The following MBD5 variants were observed in gnomAD, a reference collection of about 807,000 sequenced individuals.
MBD5 encodes methyl-CpG binding domain protein 5, also known as methyl-CpG-binding domain protein 5.
A neutral mutation model predicts 117.3 loss-of-function variants in MBD5; 13 were observed. The ratio of observed to expected loss-of-function variants is 0.11; its 90% CI spans 0.07 to 0.18. The LOEUF (loss-of-function observed/expected upper bound fraction) is 0.18, where lower values mean the gene tolerates loss of function less well. Ranked by LOEUF, MBD5 falls within the 10% of genes least tolerant of loss-of-function variation. The pLI is 1.00. For missense variants in MBD5, 1,879 were observed against 2,093.8 expected, an observed-to-expected ratio of 0.90 and a Z score of 2.00; for synonymous variants, 727 against 766.4, an observed-to-expected ratio of 0.95 and a Z score of 0.85.
At chr2:148,291,864 C>T (rs1006227931) in intron 3 of MBD5, among the ~76,000 whole-genome samples, 2 of 152,132 alleles carry the variant, frequency 1.3e-5, no homozygotes, top group African/African-American at 4.8e-5. Flanking sequence ...GGCATAAAAA[C>T]AGACACATAG....
intron 2 of MBD5, among the ~76,000 whole-genome samples, chr2:148,204,997 A>G (rs1699240757): frequency 6.6e-6 from 1 of 152,140 alleles, no homozygotes; most frequent in Non-Finnish European, 1.5e-5. Flanking sequence ...CCCTAAAAAT[A>G]AAATATATTC....
intron 1 of MBD5, among the ~76,000 whole-genome samples, chr2:148,033,309 A>G (rs1427905009): frequency 6.6e-6 from 1 of 152,254 alleles, no homozygotes. Context: ...TCATACAGTT[A>G]GAAGTGATTA....
Position 148,513,180 on chromosome 2 carries a change from T to C in MBD5, c.*239T>C, listed in dbSNP as rs1682269514. ...TGAGAGTGATCAATGGTCAAGAGAT[T>C]ACTGAGAAACTCTTTTTCTATAATA... is the stretch of plus-strand genomic sequence containing the variant. On this transcript the variant is annotated 3_prime_UTR_variant, in exon 14 of 14. Coordinates refer to ENST00000642680, the MANE Select transcript of MBD5 (RefSeq NM_001378120.1). 1 of 509,728 alleles carries C rather than the reference T, an allele frequency of 2.0e-6. No homozygotes were observed. The highest frequency in any genetic ancestry group is 3.4e-5 in the Admixed American group (1 of 29,810). 31.6% of individuals were successfully genotyped at this position (509,728 alleles called of 1,614,324 possible).
intron 4 of MBD5, among the ~76,000 whole-genome samples, chr2:148,429,243 A>G (rs1033764113): frequency 6.6e-6 from 1 of 152,254 alleles, no homozygotes; most frequent in Non-Finnish European, 1.5e-5. Context: ...ACATATGAAA[A>G]AAAAGCTCAT....
intron 4 of MBD5, among the ~76,000 whole-genome samples, chr2:148,446,602 C>CTATGTGTGTGTGTGTGTGTGTGTGTGTG: frequency 6.7e-6 from 1 of 148,898 alleles, no homozygotes; most frequent in East Asian, 2.0e-4. Context: ...GATTATTTAT[C>CTATGTGTGTGTGTGTGTGTGTGTGTGTG]TGTGTGTGTG....
intron 1 of MBD5, among the ~76,000 whole-genome samples, chr2:148,175,329 T>C (rs12619583): frequency 0.79 from 120,303 of 152,084 alleles, 48,935 homozygotes; most frequent in East Asian, 0.9. Context: ...AAACCACAAA[T>C]TTATATCTCA....
chr2:148,470,556 T>C, intron 8 of MBD5, 95 bp downstream of exon 8: 2 of 973,116 alleles, frequency 2.1e-6, no homozygotes, highest in Non-Finnish European at 3.0e-6. Context: ...TAAGAAATGA[T>C]CCTTTCCCCA....
At chr2:148,092,906 A>G (rs1330678167) in intron 1 of MBD5, among the ~76,000 whole-genome samples, 20 of 151,692 alleles carry the variant, frequency 1.3e-4, no homozygotes. Flanking sequence ...TAGAAAAGCT[A>G]GCTTCTTATC....
intron 7 of MBD5, among the ~76,000 whole-genome samples, chr2:148,464,539 C>G (rs1322638446): frequency 6.6e-6 from 1 of 152,038 alleles, no homozygotes; most frequent in African/African-American, 2.4e-5. Context: ...AGGGCACACT[C>G]TTACATAAAC....
intron 1 of MBD5, among the ~76,000 whole-genome samples, chr2:148,177,806 T>A (rs1698426277): frequency 6.6e-6 from 1 of 152,076 alleles, no homozygotes; most frequent in African/African-American, 2.4e-5. Context: ...CAGCTGCAAC[T>A]GAAAAACCGA....
At chr2:148,070,372 T>A (rs1695318107) in intron 1 of MBD5, among the ~76,000 whole-genome samples, 1 of 152,334 alleles carries the variant, frequency 6.6e-6, no homozygotes, top group South Asian at 2.1e-4. Context: ...TGTTTGCTAC[T>A]AGTAGGGCAG....
chr2:148,038,997 C>T lies in MBD5; in HGVS notation c.-925+17313C>T, dbSNP rs531107197. ...TCTGCAAAGCTAGACATAGTAACAA[C>T]AGGAAACATCCCACCTACAATGCAT... is the stretch of plus-strand genomic sequence containing the variant. On this transcript the variant is annotated intron_variant, in intron 1 of 13. Transcript: ENST00000642680. Among the ~76,000 whole-genome samples the T allele has an allele frequency of 2.0e-5, 3 of 152,144 alleles. No individual in the cohort carries two copies. The East Asian group carries it at 5.8e-4, about 29-fold the overall frequency.
At chr2:148,025,376 G>C (rs979919822) in intron 1 of MBD5, 2 of 151,820 alleles carry the variant, frequency 1.3e-5, no homozygotes, top group African/African-American at 4.8e-5. Context: ...AATATATAAA[G>C]AAAAATTTTC....
At chr2:148,423,448 C>G (rs1028319762) in intron 4 of MBD5, among the ~76,000 whole-genome samples, 1 of 152,078 alleles carries the variant, frequency 6.6e-6, no homozygotes, top group African/African-American at 2.4e-5. Context: ...TCCAGCCGAA[C>G]TAAGCTTCAT....
intron 3 of MBD5, among the ~76,000 whole-genome samples, chr2:148,247,400 TCAAATAAC>T (rs1489884812): frequency 6.6e-6 from 1 of 152,174 alleles, no homozygotes; most frequent in Non-Finnish European, 1.5e-5. Context: ...TTTTTTCACA[TCAAATAAC>T]CTTTATGGTA....
chr2:148,242,823 G>C (rs964164158), intron 3 of MBD5, among the ~76,000 whole-genome samples: 1 of 152,156 alleles, frequency 6.6e-6, no homozygotes, highest in South Asian at 2.1e-4. Context: ...AGTAGTTAAC[G>C]TGTCTGTCCT....
At chr2:148,229,933 G>T (rs1487682324) in intron 2 of MBD5, among the ~76,000 whole-genome samples, 1 of 152,096 alleles carries the variant, frequency 6.6e-6, no homozygotes, top group East Asian at 1.9e-4. Flanking sequence ...GCCATCTGGA[G>T]CTGGGAATAT....
At chr2:148,441,134 T>G (rs1490297669) in intron 4 of MBD5, among the ~76,000 whole-genome samples, 1 of 152,164 alleles carries the variant, frequency 6.6e-6, no homozygotes, top group Non-Finnish European at 1.5e-5. Flanking sequence ...CTTTAAGTTC[T>G]AGGGTACATG....
intron 3 of MBD5, among the ~76,000 whole-genome samples, chr2:148,326,471 A>G (rs1012846316): frequency 3.3e-5 from 5 of 152,062 alleles, no homozygotes; most frequent in African/African-American, 1.2e-4. Context: ...GTGGGAGTCT[A>G]AGTCTCTTTG....
Sources: gnomAD v4.1 joint callset for allele counts (sites outside exome capture counted in the v4.1 genomes callset) on GRCh38, gnomAD v4.1.1 for gene constraint, MANE v1.5 for transcripts, NCBI Gene and HGNC (gene_info 2026-07-23, HGNC 2026-07-21) for gene names.